AHSA1: variants seen among roughly 807,000 people sequenced by gnomAD.
The protein encoded by AHSA1 is activator of 90 kDa heat shock protein ATPase homolog 1.
In AHSA1, 14 loss-of-function variants were observed where a neutral mutation model predicts 46.1. The observed-to-expected ratio is 0.30, with a 90% CI of 0.20 to 0.47. The LOEUF (loss-of-function observed/expected upper bound fraction) is 0.47, where lower values mean the gene tolerates loss of function less well. AHSA1 is among the 20% of genes least tolerant of loss of function. The probability of loss-of-function intolerance (pLI) is 0.99; values close to 1 mark genes in which losing one functional copy is unlikely to be tolerated. For missense variants in AHSA1, 333 were observed against 415.9 expected (o/e 0.80, Z 1.73); for synonymous variants, 147 against 145.8 (o/e 1.01, Z -0.06).
At chr14:77,468,954 C>A in intron 8 of AHSA1, 123 bp from the exon 9 acceptor site, 2 of 1,106,980 alleles carry the variant, frequency 1.8e-6, no homozygotes, top group South Asian at 1.4e-5. Context: ...GTGATCCGCC[C>A]ACCTCAGCCT....
upstream of AHSA1, chr14:77,458,007 A>G (rs1401730045): frequency 1.8e-6 from 1 of 542,898 alleles, no homozygotes; most frequent in South Asian, 2.5e-5. Context: ...GACGGAAGTA[A>G]CCGGTGGGAG....
At chr14:77,463,648 C>A (rs74780795) in intron 4 of AHSA1, among the ~76,000 whole-genome samples, 1 of 151,032 alleles carries the variant, frequency 6.6e-6, no homozygotes, top group African/African-American at 2.4e-5. Flanking sequence ...TAATGGACAG[C>A]GCTAATCTAA....
At chr14:77,459,550 T>C in intron 1 of AHSA1, 66 bp from the exon 2 acceptor site, 1 of 1,534,644 alleles carries the variant, frequency 6.5e-7, no homozygotes, top group Non-Finnish European at 9.0e-7. Flanking sequence ...AACCTCGTAT[T>C]CTCTTGCATA....
chr14:77,468,562 AT>A (rs36001778), intron 8 of AHSA1, 54 bp downstream of exon 8: 62,448 of 1,056,530 alleles, frequency 0.059, 175 homozygotes, highest in African/African-American at 0.15. Flanking sequence ...CTTTGCTGTA[AT>A]TTTTTTTTTT....
chr14:77,463,952 A>G (rs980752412), intron 4 of AHSA1, among the ~76,000 whole-genome samples: 17 of 152,248 alleles, frequency 1.1e-4, no homozygotes, highest in African/African-American at 3.9e-4. Flanking sequence ...CCATGCATCC[A>G]TAGGTGCTGG....
chr14:77,464,791 C>A, intron 5 of AHSA1, 105 bp downstream of exon 5: 2 of 957,502 alleles, frequency 2.1e-6, no homozygotes, highest in Non-Finnish European at 3.1e-6. Context: ...CTAAGCCAGA[C>A]CAGCCTGCGA....
chr14:77,467,265 G>A (rs928583715), intron 6 of AHSA1, among the ~76,000 whole-genome samples: 2 of 152,162 alleles, frequency 1.3e-5, no homozygotes, highest in Admixed American at 1.3e-4. Context: ...CAGGTATGGT[G>A]GTATGCGCCT....
intron 4 of AHSA1, among the ~76,000 whole-genome samples, chr14:77,463,431 A>G (rs1229204288): frequency 6.6e-6 from 1 of 151,714 alleles, no homozygotes; most frequent in Non-Finnish European, 1.5e-5. Context: ...TACTAAAAAT[A>G]CAAAATTAGC....
rs1045025333 is a variant in AHSA1, at chr14:77,458,125, C to T, written c.-65C>T. ...TCCAGGCGCTGCCGGGCGGCTGGCACTAAGCGGTCCTGAGGCTGTGGCTAC... is the reference window on the plus strand; with the variant it reads ...TCCAGGCGCTGCCGGGCGGCTGGCATTAAGCGGTCCTGAGGCTGTGGCTAC... On this transcript the variant is annotated 5_prime_UTR_variant, in exon 1 of 9. Transcript: ENST00000216479. 1.4e-6 allele frequency: 2 copies of T among 1,407,904 alleles called. No homozygotes were observed. The highest frequency in any genetic ancestry group is 1.9e-6 in the Non-Finnish European group (2 of 1,070,662). The allele number at this position is 1,407,904 out of a possible 1,614,324, so 87.2% of individuals were successfully genotyped here.
Position 77,469,131 on chromosome 14 carries a change from T to C in AHSA1, c.899T>C (p.Leu300Pro). 1 of 1,614,202 alleles carries C rather than the reference T, an allele frequency of 6.2e-7. No homozygotes were observed. The highest frequency in any genetic ancestry group is 8.5e-7 in the Non-Finnish European group (1 of 1,180,034). ...ATCGACAAGAACGGAGAGACTGAGC[T>C]GTGCATGGAAGGTCGAGGCATCCCT... The part of the protein sequence containing the change: ...TFIDKNGETE[L>P]CMEGRGIPAP... Residue 300 changes from leucine to proline, a missense_variant, in exon 9 of 9, where the codon CTG becomes CCG. Leu to Pro is a moderately conservative substitution (Grantham distance 98). Transcript: ENST00000216479.
Position 77,468,469 on chromosome 14 carries a change from CAT to C in AHSA1, c.808_809del (p.Ile270CysfsTer7). ...GEFTDLVPEK[H>X]IVMKWRFKSW... ...TTGATTATTTTAGGTCCCTGAGAAA[CAT>C]ATTGTGATGAAGTGGAGGTTTAAAT... On this transcript the variant is annotated frameshift_variant, in exon 8 of 9. Transcript: ENST00000216479. LOFTEE classifies it high-confidence loss of function. The C allele has an allele frequency of 6.2e-7, 1 of 1,612,872 alleles. No homozygotes were observed. The highest frequency in any genetic ancestry group is 8.5e-7 in the Non-Finnish European group (1 of 1,179,472).
At chr14:77,465,088 A>G (rs933314766) in intron 5 of AHSA1, among the ~76,000 whole-genome samples, 8 of 152,164 alleles carry the variant, frequency 5.3e-5, no homozygotes, top group Admixed American at 1.3e-4. Flanking sequence ...AATCTCCCCA[A>G]TTTTCAGGGT....
rs1258393270 is a variant in AHSA1 at position 77,468,483 on chromosome 14, G to A, written c.819G>A (p.Lys273=). ...DLVPEKHIVM[K]WRFKSWPEGH... ...TCCCTGAGAAACATATTGTGATGAA[G>A]TGGAGGTTTAAATCTTGGCCAGAGG... is the stretch of plus-strand genomic sequence containing the variant. Residue 273 remains lysine, a synonymous_variant, in exon 8 of 9, where the codon AAG becomes AAA. Coordinates refer to ENST00000216479, the MANE Select transcript of AHSA1 (RefSeq NM_012111.3). The A allele has an allele frequency of 6.2e-7, 1 of 1,613,268 alleles. No individual in the cohort carries two copies. Among genetic ancestry groups the A allele is most frequent in the South Asian group, 1.1e-5 (1 of 91,006 alleles).
chr14:77,459,935 T>C (rs1208452036), intron 2 of AHSA1, 129 bp downstream of exon 2: 1 of 1,004,014 alleles, frequency 1.0e-6, no homozygotes, highest in African/African-American at 1.6e-5. Flanking sequence ...TTTGGAGTCC[T>C]ATGTAAAGCA....
At chr14:77,458,342 C>A in intron 1 of AHSA1, 73 bp downstream of exon 1, 1 of 1,471,984 alleles carries the variant, frequency 6.8e-7, no homozygotes, top group South Asian at 1.3e-5. Flanking sequence ...CCTAGAACCT[C>A]GGCCCGGACA....
chr14:77,462,127 AGT>A (rs1330644302), intron 2 of AHSA1, 31 bp from the exon 3 acceptor site: 2 of 1,528,102 alleles, frequency 1.3e-6, no homozygotes, highest in Admixed American at 3.3e-5. Flanking sequence ...CCTGCCAAGG[AGT>A]GGACTAATGA....
At position 77,468,367 on chromosome 14, in the gene AHSA1, A is replaced by G. The variant is rs1190432202; in HGVS notation, c.793-90A>G. The G allele has an allele frequency of 4.6e-6, 6 of 1,315,222 alleles. No individual in the cohort carries two copies. In the African/African-American group the frequency reaches 5.9e-5, roughly 13 times the overall value. The allele number at this position is 1,315,222 out of a possible 1,614,324, so 81.5% of individuals were successfully genotyped here. On this transcript the variant is annotated intron_variant, in intron 7 of 8. Coordinates refer to ENST00000216479, the MANE Select transcript of AHSA1 (RefSeq NM_012111.3). ...CAAGTAATATAATTGCACAGATGGTAGACTCCGTATGAAGGGCAGATGACT... is the reference window on the plus strand; with the variant it reads ...CAAGTAATATAATTGCACAGATGGTGGACTCCGTATGAAGGGCAGATGACT...
chr14:77,466,514 C>T (rs2139943126), intron 6 of AHSA1: 1 of 152,348 alleles, frequency 6.6e-6, no homozygotes, highest in East Asian at 1.9e-4. Flanking sequence ...GACAAAATTT[C>T]AAGATCTTAT....
chr14:77,468,049 CTCTTTTTT>C (rs1305761962), intron 6 of AHSA1, 26 bp from the exon 7 acceptor site: 130 of 722,986 alleles, frequency 1.8e-4, no homozygotes, highest in East Asian at 7.3e-4. Context: ...TATCTTCTGC[CTCTTTTTT>C]TTTTTTTTTT....
Sources: allele counts gnomAD v4.1 joint callset (sites outside exome capture counted in the v4.1 genomes callset), GRCh38; gene constraint gnomAD v4.1.1; transcripts MANE v1.5; gene names NCBI Gene and HGNC (gene_info 2026-07-23, HGNC 2026-07-21).